Variants in WWOX observed in about 807,000 individuals in gnomAD.
WWOX encodes the protein WW domain-containing oxidoreductase.
Under a neutral mutation model 46.2 loss-of-function variants are expected in WWOX, and 69 were observed. The observed-to-expected ratio is 1.49, with a 90% CI of 1.23 to 1.82. The LOEUF (loss-of-function observed/expected upper bound fraction) is 1.82, where lower values mean the gene tolerates loss of function less well. Ranked by LOEUF, WWOX falls within the 40% of genes most tolerant of loss-of-function variation. WWOX has a pLI of 0.00. For synonymous variants in WWOX, 359 were observed against 202.6 expected (o/e 1.77, Z -6.56); for missense variants, 919 against 542.6 (o/e 1.69, Z -6.89).
intron 5 of WWOX, among the ~76,000 whole-genome samples, chr16:78,169,713 G>T (rs1052332977): frequency 5.3e-5 from 8 of 152,244 alleles, no homozygotes; most frequent in Admixed American, 3.9e-4. Context: ...GTAGGGTAGA[G>T]TGGGAGCAGA....
chr16:78,375,688 C>G lies in WWOX; in HGVS notation c.517-11172C>G. Among the ~76,000 whole-genome samples, 2 of 152,030 alleles carry G rather than the reference C, an allele frequency of 1.3e-5. 1 individual carries two copies. Among genetic ancestry groups the G allele is most frequent in the East Asian group, 3.9e-4 (2 of 5,190 alleles). On this transcript the variant is annotated intron_variant, in intron 5 of 8. Coordinates refer to ENST00000566780, the MANE Select transcript of WWOX (RefSeq NM_016373.4). Reference sequence around the variant, plus strand: ...AATTTAAAATGTGGGTATCTCTTGACCTAGTGAGTCTACTTCCAGGAATTC... The same window carrying G: ...AATTTAAAATGTGGGTATCTCTTGAGCTAGTGAGTCTACTTCCAGGAATTC...
At position 78,820,042 on chromosome 16, in the gene WWOX, G is replaced by C. The variant is rs183241941; in HGVS notation, c.1056+387290G>C. ...AGGAAAATAAAATAACTCTGGCATT[G>C]TTCTTACTATTTACCTCTGTACTGT... is the stretch of plus-strand genomic sequence containing the variant. On this transcript the variant is annotated intron_variant, in intron 8 of 8. Transcript: ENST00000566780. Among the ~76,000 whole-genome samples the C allele has an allele frequency of 3.9e-5, 6 of 152,282 alleles. No homozygotes were observed. The East Asian group carries it at 1.2e-3, about 29-fold the overall frequency.
chr16:78,626,968 T>G (rs1277764900), intron 8 of WWOX, among the ~76,000 whole-genome samples: 1 of 152,216 alleles, frequency 6.6e-6, no homozygotes, highest in African/African-American at 2.4e-5. Context: ...ACACACATCA[T>G]GGTGTGGTGT....
At chr16:78,858,120 C>T (rs551313400) in intron 8 of WWOX, among the ~76,000 whole-genome samples, 47 of 147,456 alleles carry the variant, frequency 3.2e-4, no homozygotes, top group African/African-American at 1.1e-3. Flanking sequence ...TAAAAAGATA[C>T]CTCTATATAC....
intron 8 of WWOX, among the ~76,000 whole-genome samples, chr16:78,586,771 C>T (rs541857641): frequency 6.6e-6 from 1 of 152,172 alleles, no homozygotes; most frequent in African/African-American, 2.4e-5. Context: ...AATTTTGATT[C>T]AGGAAGGTTA....
chr16:78,606,170 T>G (rs151004120), intron 8 of WWOX, among the ~76,000 whole-genome samples: 1 of 152,342 alleles, frequency 6.6e-6, no homozygotes, highest in East Asian at 1.9e-4. Flanking sequence ...AATTTACCAC[T>G]GGGCTATTAT....
intron 8 of WWOX, 46 bp downstream of exon 8, chr16:78,432,798 A>C: frequency 6.2e-7 from 1 of 1,613,486 alleles, no homozygotes; most frequent in Non-Finnish European, 8.5e-7. Flanking sequence ...GGTCCTAGAG[A>C]AACCTGCACA....
chr16:78,556,004 G>A (rs906740880), intron 8 of WWOX, among the ~76,000 whole-genome samples: 2 of 152,068 alleles, frequency 1.3e-5, no homozygotes, highest in Non-Finnish European at 2.9e-5. Context: ...GAAGTAACAG[G>A]GAGAAGAACT....
chr16:78,571,573 G>C (rs1252965152), intron 8 of WWOX, among the ~76,000 whole-genome samples: 1 of 152,176 alleles, frequency 6.6e-6, no homozygotes, highest in African/African-American at 2.4e-5. Context: ...TCATCAGTTA[G>C]AGGCGTTGCA....
intron 8 of WWOX, among the ~76,000 whole-genome samples, chr16:78,736,903 C>T (rs964587452): frequency 6.6e-6 from 1 of 152,092 alleles, no homozygotes; most frequent in African/African-American, 2.4e-5. Context: ...GGCAATGTGC[C>T]CGGCCCACAA....
intron 2 of WWOX, among the ~76,000 whole-genome samples, chr16:78,109,410 C>T (rs555670694): frequency 2.0e-5 from 3 of 152,206 alleles, no homozygotes; most frequent in African/African-American, 7.2e-5. Flanking sequence ...ATGGCCGTGC[C>T]CTCTAATGTC....
chr16:78,509,246 C>A (rs1465765439), intron 8 of WWOX, among the ~76,000 whole-genome samples: 1 of 152,204 alleles, frequency 6.6e-6, no homozygotes, highest in African/African-American at 2.4e-5. Flanking sequence ...CAAGACCAGC[C>A]TGGCCAACAT....
At chr16:78,947,076 C>T (rs1223240450) in intron 8 of WWOX, among the ~76,000 whole-genome samples, 1 of 149,758 alleles carries the variant, frequency 6.7e-6, no homozygotes, top group East Asian at 2.0e-4. Flanking sequence ...TAAAAAAAAG[C>T]CTTACTGCTC....
At chr16:78,422,631 C>A (rs1381654949) in intron 6 of WWOX, among the ~76,000 whole-genome samples, 3 of 93,718 alleles carry the variant, frequency 3.2e-5, no homozygotes, top group African/African-American at 9.3e-5. Flanking sequence ...CAGAGGTGAG[C>A]CACTGTGCCC....
chr16:79,012,672 A>G lies in WWOX; in HGVS notation c.1057-198936A>G, dbSNP rs574454979. 2.7e-4 allele frequency among the ~76,000 whole-genome samples: 41 copies of G among 152,360 alleles called. No homozygotes were observed. The South Asian group carries it at 8.1e-3, about 30-fold the overall frequency. On this transcript the variant is annotated intron_variant, in intron 8 of 8. Coordinates refer to ENST00000566780, the MANE Select transcript of WWOX (RefSeq NM_016373.4). ...CCAATGAATGAGGGAACAAATATCC[A>G]GGCAGAATGAATAGTCTATGGAAAG...
intron 5 of WWOX, among the ~76,000 whole-genome samples, chr16:78,265,797 G>T (rs970932431): frequency 2.0e-5 from 3 of 151,164 alleles, no homozygotes; most frequent in South Asian, 2.1e-4. Flanking sequence ...ATAGTTTCTA[G>T]CACAGAACAG....
chr16:78,791,854 T>C (rs7191128), intron 8 of WWOX, among the ~76,000 whole-genome samples: 2,987 of 152,222 alleles, frequency 0.02, 94 homozygotes, highest in African/African-American at 0.067. Context: ...CACTGCAGCC[T>C]GGGCGACAGT....
chr16:78,269,038 A>G (rs1244345698), intron 5 of WWOX: 1 of 152,152 alleles, frequency 6.6e-6, no homozygotes, highest in Non-Finnish European at 1.5e-5. Flanking sequence ...CACATACTCC[A>G]CCATCCCCAG....
At chr16:78,897,320 C>G (rs936755288) in intron 8 of WWOX, 21 of 150,940 alleles carry the variant, frequency 1.4e-4, no homozygotes, top group African/African-American at 4.1e-4. Context: ...ATCTCATTCT[C>G]CTTTCCAATA....
Sources: allele counts gnomAD v4.1 joint callset (sites outside exome capture counted in the v4.1 genomes callset), GRCh38; gene constraint gnomAD v4.1.1; transcripts MANE v1.5; gene names NCBI Gene and HGNC (gene_info 2026-07-23, HGNC 2026-07-21).